The following PLXDC2 variants were observed in gnomAD, a reference collection of about 807,000 sequenced individuals.
PLXDC2 encodes the protein plexin domain-containing protein 2.
Under a neutral mutation model 68.9 loss-of-function variants are expected in PLXDC2, and 40 were observed. That is an observed-to-expected ratio of 0.58 (90% CI 0.45 to 0.76). PLXDC2 has a LOEUF of 0.76. Among genes scored for constraint, PLXDC2 ranks in the 30% least tolerant of loss-of-function variants. PLXDC2 has a pLI of 0.00. For missense variants in PLXDC2, 644 were observed against 661.9 expected (o/e 0.97, Z 0.30); for synonymous variants, 243 against 234.2 (o/e 1.04, Z -0.34).
chr10:20,045,526 C>T (rs978299538), intron 2 of PLXDC2, among the ~76,000 whole-genome samples: 1 of 152,126 alleles, frequency 6.6e-6, no homozygotes, highest in Non-Finnish European at 1.5e-5. Context: ...TCAACATTTA[C>T]ACTTGGATCA....
chr10:19,951,955 C>T (rs1033968119), intron 1 of PLXDC2, among the ~76,000 whole-genome samples: 7 of 151,892 alleles, frequency 4.6e-5, no homozygotes, highest in African/African-American at 9.7e-5. Flanking sequence ...TGGGTACTCA[C>T]GGACATAAAG....
rs1204592112 is a variant in PLXDC2 at position 20,044,229 on chromosome 10, CTTTCTTT to C, written c.325-2639_325-2633del. ...TCTCTCTGTCTTTCTTTCTTTCTTT[CTTTCTTT>C]CTTTCTTTCTTTCTTTCTTTCTTTC... On this transcript the variant is annotated intron_variant, in intron 2 of 13. Coordinates refer to ENST00000377252, the MANE Select transcript of PLXDC2 (RefSeq NM_032812.9). Among the ~76,000 whole-genome samples, 3 of 68,746 alleles carry C rather than the reference CTTTCTTT, an allele frequency of 4.4e-5. 1 individual carries two copies. The highest frequency in any genetic ancestry group is 2.2e-4 in the African/African-American group (3 of 13,638). 45.1% of individuals were successfully genotyped at this position (68,746 alleles called of 152,430 possible). A position where few individuals can be genotyped will look rare whatever the true frequency, so the allele number is the denominator to read the frequency against.
chr10:19,992,149 A>G (rs898705761), intron 1 of PLXDC2, among the ~76,000 whole-genome samples: 1 of 152,226 alleles, frequency 6.6e-6, no homozygotes, highest in African/African-American at 2.4e-5. Flanking sequence ...TTGAAAATCA[A>G]TGTAGAATAT....
rs553592299 is a variant in PLXDC2 at position 20,118,374 on chromosome 10, G to C, written c.542-24921G>C. ...CAGTATCTCATGGCTCCTGGGCTGG[G>C]GGAGAGAAGGAGGAGTATATGGCAA... On this transcript the variant is annotated intron_variant, in intron 4 of 13. Transcript: ENST00000377252. 1.7e-3 allele frequency among the ~76,000 whole-genome samples: 259 copies of C among 152,232 alleles called. 1 individual carries two copies. Among genetic ancestry groups the C allele is most frequent in the African/African-American group, 5.1e-3 (213 of 41,524 alleles).
In PLXDC2 at chr10:20,073,460, G is replaced by A. The variant is rs548610847; in HGVS notation, c.541+5221G>A. On this transcript the variant is annotated intron_variant, in intron 4 of 13. Coordinates refer to ENST00000377252, the MANE Select transcript of PLXDC2 (RefSeq NM_032812.9). ...TTGTATGTTGTATGTATTTTACTACGAATAAGCTTAAGTTTCTAGTTTAAA... is the reference window on the plus strand; with the variant it reads ...TTGTATGTTGTATGTATTTTACTACAAATAAGCTTAAGTTTCTAGTTTAAA... Among the ~76,000 whole-genome samples the A allele has an allele frequency of 8.6e-4, 131 of 152,212 alleles. 1 individual carries two copies. Among genetic ancestry groups the A allele is most frequent in the African/African-American group, 3.1e-3 (127 of 41,536 alleles).
At chr10:20,193,157 A>T (rs1834790014) in intron 9 of PLXDC2, among the ~76,000 whole-genome samples, 1 of 152,062 alleles carries the variant, frequency 6.6e-6, no homozygotes, top group African/African-American at 2.4e-5. Flanking sequence ...ACAGAACTAG[A>T]AATTCTATGT....
chr10:20,275,573 A>G (rs1835995862), intron 13 of PLXDC2, among the ~76,000 whole-genome samples: 1 of 152,216 alleles, frequency 6.6e-6, no homozygotes, highest in South Asian at 2.1e-4. Context: ...GCTTCAAGGT[A>G]AGATTTTTAT....
intron 2 of PLXDC2, among the ~76,000 whole-genome samples, chr10:20,044,112 C>CTTCT (rs1835733720): frequency 7.5e-6 from 1 of 133,910 alleles, no homozygotes; most frequent in African/African-American, 2.9e-5. Context: ...TCCTTCCTTC[C>CTTCT]TTCCTTCCTT....
At chr10:20,250,489 T>C (rs1383173050) in intron 13 of PLXDC2, among the ~76,000 whole-genome samples, 2 of 152,136 alleles carry the variant, frequency 1.3e-5, no homozygotes, top group Admixed American at 1.3e-4. Context: ...TCATGAAGAC[T>C]GTGTGTGTTA....
intron 4 of PLXDC2, among the ~76,000 whole-genome samples, chr10:20,118,137 C>G (rs1451950954): frequency 2.0e-5 from 3 of 149,594 alleles, no homozygotes; most frequent in Admixed American, 6.7e-5. Context: ...CACACACACA[C>G]AGACACACAC....
At chr10:19,864,336 A>G (rs1195026493) in intron 1 of PLXDC2, among the ~76,000 whole-genome samples, 2 of 152,202 alleles carry the variant, frequency 1.3e-5, no homozygotes, top group Non-Finnish European at 2.9e-5. Context: ...AGAAAGAATG[A>G]TTTCAGCTGA....
At chr10:20,169,100 G>A (rs977170055) in intron 7 of PLXDC2, among the ~76,000 whole-genome samples, 1 of 152,086 alleles carries the variant, frequency 6.6e-6, no homozygotes, top group African/African-American at 2.4e-5. Context: ...AAAGAGGTTG[G>A]TTACATAGTT....
intron 13 of PLXDC2, among the ~76,000 whole-genome samples, chr10:20,245,715 G>A (rs1225126193): frequency 6.6e-6 from 1 of 152,110 alleles, no homozygotes; most frequent in Non-Finnish European, 1.5e-5. Flanking sequence ...CTTATCTCAG[G>A]AGCTTTTAAA....
At chr10:20,205,803 C>CAG (rs1426195373) in intron 9 of PLXDC2, among the ~76,000 whole-genome samples, 2 of 151,998 alleles carry the variant, frequency 1.3e-5, no homozygotes, top group African/African-American at 2.4e-5. Flanking sequence ...CCTCATCTTA[C>CAG]AGATGAGGAA....
chr10:20,041,972 C>G (rs1486757780), intron 2 of PLXDC2, among the ~76,000 whole-genome samples: 1 of 152,226 alleles, frequency 6.6e-6, no homozygotes, highest in Non-Finnish European at 1.5e-5. Flanking sequence ...TTCCTAAAGA[C>G]TGTCTCCAAA....
At chr10:19,860,550 C>T (rs1373841178) in intron 1 of PLXDC2, among the ~76,000 whole-genome samples, 1 of 152,144 alleles carries the variant, frequency 6.6e-6, no homozygotes, top group Admixed American at 6.5e-5. Context: ...TGAATTCATT[C>T]TCTGAAGGCA....
At chr10:20,026,643 C>T (rs1185978105) in intron 2 of PLXDC2, among the ~76,000 whole-genome samples, 1 of 151,960 alleles carries the variant, frequency 6.6e-6, no homozygotes, top group Non-Finnish European at 1.5e-5. Flanking sequence ...TTCCAACATG[C>T]AGACAAGTCT....
At chr10:19,982,656 A>T (rs1589568885) in intron 1 of PLXDC2, among the ~76,000 whole-genome samples, 1 of 152,160 alleles carries the variant, frequency 6.6e-6, no homozygotes, top group African/African-American at 2.4e-5. Flanking sequence ...AACGACAGTA[A>T]GTTTTTTTGT....
chr10:19,905,165 G>C (rs1467900680), intron 1 of PLXDC2, among the ~76,000 whole-genome samples: 3 of 152,168 alleles, frequency 2.0e-5, no homozygotes, highest in African/African-American at 7.2e-5. Context: ...TTTTTTCCTT[G>C]TTGATAGATG....
Sources: allele counts gnomAD v4.1 joint callset (sites outside exome capture counted in the v4.1 genomes callset), GRCh38; gene constraint gnomAD v4.1.1; transcripts MANE v1.5; gene names NCBI Gene and HGNC (gene_info 2026-07-23, HGNC 2026-07-21).